Variants in KLC2 observed in about 807,000 individuals in gnomAD.
The protein encoded by KLC2 is kinesin light chain 2.
Under a neutral mutation model 75.1 loss-of-function variants are expected in KLC2, and 35 were observed. The observed-to-expected ratio is 0.47, with a 90% CI of 0.36 to 0.62. The LOEUF (loss-of-function observed/expected upper bound fraction) is 0.62. KLC2 is among the 20% of genes least tolerant of loss of function. The pLI is 0.00. For synonymous variants in KLC2, 314 were observed against 336.7 expected (o/e 0.93, Z 0.74); for missense variants, 611 against 833.2 (o/e 0.73, Z 3.28).
At chr11:66,266,351 CT>C in intron 14 of KLC2, 81 bp from the exon 15 acceptor site, 1 of 1,488,020 alleles carries the variant, frequency 6.7e-7, no homozygotes. Context: ...AGTCTGTTCC[CT>C]CCCCAGCCCC....
the KLC2 span, among the ~76,000 whole-genome samples, chr11:66,250,285 C>T: frequency 9.7e-5 from 14 of 144,406 alleles, no homozygotes; most frequent in Non-Finnish European, 1.9e-4. Flanking sequence ...CCCGAGCCGC[C>T]GGACTCATTG....
Position 66,263,739 on chromosome 11 carries a change from C to T in KLC2, c.832C>T (p.His278Tyr), listed in dbSNP as rs1856602475. 1 of 1,613,684 alleles carries T rather than the reference C, an allele frequency of 6.2e-7. No homozygotes were observed. The highest frequency in any genetic ancestry group is 8.5e-7 in the Non-Finnish European group (1 of 1,179,588). ...CCGGGAGAAAACACTGGGCAAGGAC[C>T]ACCCAGCCGTGAGTGAGGGTTGGGT... is the stretch of plus-strand genomic sequence containing the variant. The part of the protein sequence containing the change: ...AIREKTLGKD[H>Y]PAVAATLNNL... Residue 278 changes from histidine to tyrosine, a missense_variant, in exon 6 of 16, where the codon CAC (histidine) becomes TAC (tyrosine). Coordinates refer to ENST00000394067, the MANE Select transcript of KLC2 (RefSeq NM_001318734.2).
chr11:66,267,859 G>C lies in KLC2; in HGVS notation c.*903G>C, dbSNP rs1856955727. 2 of 417,036 alleles carry C rather than the reference G, an allele frequency of 4.8e-6. No homozygotes were observed. The highest frequency in any genetic ancestry group is 8.4e-6 in the Non-Finnish European group (2 of 237,218). 25.8% of individuals were successfully genotyped at this position (417,036 alleles called of 1,614,324 possible). A position where few individuals can be genotyped will look rare whatever the true frequency, so the allele number is the denominator to read the frequency against. ...GTAGAAATAAAGACGGTTTAAATCT[G>C]AGCTGGGCTTGTTTTGAGACGGAGG... On this transcript the variant is annotated 3_prime_UTR_variant, in exon 16 of 16. Transcript: ENST00000394067.
the KLC2 span, among the ~76,000 whole-genome samples, chr11:66,247,513 C>A: frequency 6.6e-6 from 1 of 152,206 alleles, no homozygotes; most frequent in African/African-American, 2.4e-5. Context: ...GGCCTTTGCA[C>A]GGACCTTTGG....
intron 2 of KLC2, chr11:66,259,465 TGTG>T (rs1392129919): frequency 6.6e-6 from 1 of 152,110 alleles, no homozygotes; most frequent in Non-Finnish European, 1.5e-5. Flanking sequence ...GGAAAGAGCT[TGTG>T]GTGGAGGAAC....
the KLC2 span, among the ~76,000 whole-genome samples, chr11:66,251,348 C>T: frequency 5.3e-5 from 7 of 132,778 alleles, 1 homozygote; most frequent in African/African-American, 1.6e-4. Context: ...AAAAATTAAC[C>T]GGGCATAGTG....
the KLC2 span, among the ~76,000 whole-genome samples, chr11:66,249,942 A>C: frequency 3.5e-3 from 536 of 152,132 alleles, 1 homozygote; most frequent in African/African-American, 0.012. Context: ...TTGTCGTCCT[A>C]TCCTCCCAGT....
At chr11:66,266,351 C>T in intron 14 of KLC2, 82 bp from the exon 15 acceptor site, 1 of 1,488,024 alleles carries the variant, frequency 6.7e-7, no homozygotes, top group African/African-American at 1.4e-5. Context: ...AGTCTGTTCC[C>T]TCCCCAGCCC....
chr11:66,252,106 G>A, the KLC2 span, among the ~76,000 whole-genome samples: 1 of 152,298 alleles, frequency 6.6e-6, no homozygotes, highest in South Asian at 2.1e-4. Context: ...TTCATTCTGA[G>A]TGCATCTCTG....
chr11:66,264,379 A>T lies in KLC2; in HGVS notation c.1151A>T (p.Asp384Val). 1 of 1,613,578 alleles carries T rather than the reference A, an allele frequency of 6.2e-7. No individual in the cohort carries two copies. The highest frequency in any genetic ancestry group is 1.7e-4 in the Middle Eastern group (1 of 6,060). Reference sequence around the variant, plus strand: ...TACCTGAAGCAGGGCAAGTACCAGGATGCGGAGACCTTGTACAAGGAGATC... The same window carrying T: ...TACCTGAAGCAGGGCAAGTACCAGGTTGCGGAGACCTTGTACAAGGAGATC... ...SCYLKQGKYQ[D>V]AETLYKEILT... is the part of the protein sequence containing the mutation. The change falls in exon 9 of 16, where the codon GAT (aspartate) becomes GTT (valine). Residue 384 changes from aspartate to valine, a missense_variant. Coordinates refer to ENST00000394067, the MANE Select transcript of KLC2 (RefSeq NM_001318734.2).
chr11:66,261,738 A>G lies in KLC2; in HGVS notation c.229-4A>G, dbSNP rs1001696054. ...TCCGACCCTTACCTGGGCTGGTTGC[A>G]CAGGTGATCTTGGCATTGTCGAGCC... On this transcript the variant is annotated splice_polypyrimidine_tract_variant and splice_region_variant and intron_variant, in intron 2 of 15. Coordinates refer to ENST00000394067, the MANE Select transcript of KLC2 (RefSeq NM_001318734.2). 1.9e-6 allele frequency: 3 copies of G among 1,602,364 alleles called. No homozygotes were observed. Among genetic ancestry groups the G allele is most frequent in the East Asian group, 4.5e-5 (2 of 44,808 alleles).
rs115631954 is a variant in KLC2, at chr11:66,264,755, G to A, written c.1217-268G>A. 4.2e-3 allele frequency: 2,472 copies of A among 585,264 alleles called. 26 individuals carry two copies. The highest frequency in any genetic ancestry group is 0.039 in the African/African-American group (2,068 of 53,694). 36.3% of individuals were successfully genotyped at this position (585,264 alleles called of 1,614,324 possible). A position where few individuals can be genotyped will look rare whatever the true frequency, so the allele number is the denominator to read the frequency against. On this transcript the variant is annotated intron_variant, in intron 9 of 15. Transcript: ENST00000394067. ...ACTCTGGGAAACCACCTCTGGCCCC[G>A]GATGGTCAGTCATCTGCTCCTGAGT... is the stretch of plus-strand genomic sequence containing the variant.
chr11:66,258,472 T>TGGGCACACGGGAGACTCAGGC, intron 1 of KLC2, 112 bp from the exon 2 acceptor site: 1 of 697,594 alleles, frequency 1.4e-6, no homozygotes, highest in Non-Finnish European at 2.4e-6. Context: ...CTGGGGGACC[T>TGGGCACACGGGAGACTCAGGC]GGGCACACGG....
At chr11:66,250,175 C>G in the KLC2 span, among the ~76,000 whole-genome samples, 1 of 152,144 alleles carries the variant, frequency 6.6e-6, no homozygotes, top group Non-Finnish European at 1.5e-5. Flanking sequence ...CCACCCAAAG[C>G]CTGGTTGTTA....
At chr11:66,250,910 C>T in the KLC2 span, among the ~76,000 whole-genome samples, 2 of 152,220 alleles carry the variant, frequency 1.3e-5, no homozygotes, top group African/African-American at 4.8e-5. Context: ...ACTGTTACCA[C>T]TGTGAGCCAG....
the KLC2 span, among the ~76,000 whole-genome samples, chr11:66,247,638 T>C: frequency 4.7e-5 from 7 of 149,984 alleles, no homozygotes; most frequent in Admixed American, 6.7e-5. Context: ...TTTTTTTTTT[T>C]CTTACTCATA....
intron 11 of KLC2, 91 bp downstream of exon 11, chr11:66,265,326 T>C: frequency 8.7e-7 from 1 of 1,149,304 alleles, no homozygotes; most frequent in Non-Finnish European, 1.3e-6. Flanking sequence ...CCTCCTCTGC[T>C]GCTCATCTGG....
At chr11:66,265,495 C>T (rs1375453212) in intron 11 of KLC2, 160 bp from the exon 12 acceptor site, 2 of 710,358 alleles carry the variant, frequency 2.8e-6, no homozygotes, top group Non-Finnish European at 4.7e-6. Flanking sequence ...TTCCCCAGGA[C>T]AGAAGAGGCT....
At chr11:66,246,850 C>T in the KLC2 span, among the ~76,000 whole-genome samples, 1 of 152,188 alleles carries the variant, frequency 6.6e-6, no homozygotes, top group East Asian at 1.9e-4. Context: ...TTCCACCTGG[C>T]CTGTGGACAG....
Sources: gnomAD v4.1 joint callset for allele counts (sites outside exome capture counted in the v4.1 genomes callset) on GRCh38, gnomAD v4.1.1 for gene constraint, MANE v1.5 for transcripts, NCBI Gene and HGNC (gene_info 2026-07-23, HGNC 2026-07-21) for gene names.